The following NUP210 variants were observed in gnomAD, a reference collection of about 807,000 sequenced individuals.
NUP210 encodes nuclear pore membrane glycoprotein 210.
In NUP210, 151 loss-of-function variants were observed where a neutral mutation model predicts 196.0. The observed-to-expected ratio is 0.77, with a 90% CI of 0.67 to 0.88. The LOEUF is 0.88. Among genes scored for constraint, NUP210 ranks in the 40% least tolerant of loss-of-function variants. The probability of loss-of-function intolerance (pLI) is 0.00; values close to 1 mark genes in which losing one functional copy is unlikely to be tolerated. For synonymous variants in NUP210, 1,070 were observed against 1,052.7 expected (o/e 1.02, Z -0.32); for missense variants, 2,314 against 2,493.7 (o/e 0.93, Z 1.53).
intron 8 of NUP210, 61 bp from the exon 9 acceptor site, chr3:13,377,623 T>TG (rs35998066): frequency 0.28 from 345,970 of 1,217,108 alleles, 59,069 homozygotes; most frequent in Non-Finnish European, 0.32. Flanking sequence ...TGGAGGAGGA[T>TG]GGGACCACCA....
At chr3:13,336,198 G>A (rs1576355679) in intron 27 of NUP210, among the ~76,000 whole-genome samples, 1 of 152,154 alleles carries the variant, frequency 6.6e-6, no homozygotes, top group African/African-American at 2.4e-5. Context: ...CCTGAATCAG[G>A]CAGGGAGCGA....
Position 13,319,882 on chromosome 3 carries a change from G to T in NUP210, c.5264C>A (p.Ala1755Glu), listed in dbSNP as rs776176678. 1 of 1,614,182 alleles carries T rather than the reference G, an allele frequency of 6.2e-7. No individual in the cohort carries two copies. Among genetic ancestry groups the T allele is most frequent in the Non-Finnish European group, 8.5e-7 (1 of 1,180,016 alleles). ...GGACAGAGGCCCTTGGCTGCCAGCC[G>T]CGGGGTCCAAGACGCCGACCGTGTA... Reference protein sequence around the residue: ...ITYTVGVLDPAAGSQGPLSTT... With the variant: ...ITYTVGVLDPEAGSQGPLSTT... Residue 1755 changes from alanine (A) to glutamate (E), a missense_variant, in exon 37 of 40, where the codon GCG (alanine) becomes GAG (glutamate). Ala to Glu is a moderately radical substitution (Grantham distance 107). Coordinates refer to ENST00000254508, the MANE Select transcript of NUP210 (RefSeq NM_024923.4).
At position 13,336,790 on chromosome 3, in the gene NUP210, G is replaced by C. The variant is rs748996478; in HGVS notation, c.3681C>G (p.His1227Gln). 1.3e-4 allele frequency: 203 copies of C among 1,612,876 alleles called. 1 individual carries two copies. The East Asian group carries it at 4.4e-3, about 35-fold the overall frequency. The part of the protein sequence containing the change: ...RDVLDLRGRH[H>Q]EASIRLPSQY... Reference sequence around the variant, plus strand: ...TCTGGAGGGGGTGGTTACCTACCTCGTGGTGCCGCCCTCGGAGGTCCAGGA... The same window carrying C: ...TCTGGAGGGGGTGGTTACCTACCTCCTGGTGCCGCCCTCGGAGGTCCAGGA... Residue 1227 changes from histidine to glutamine, a missense_variant, in exon 27 of 40, where the codon CAC (histidine) becomes CAG (glutamine). Transcript: ENST00000254508.
In NUP210 at chr3:13,327,386, G is replaced by A. The variant is rs959723464; in HGVS notation, c.4338C>T (p.Val1446=). ...GTGTCAGGCCCACGCTGACTGTGCG[G>A]ACAACGCAGGTGTTGTTGGTGGGGC... The part of the protein sequence containing the change: ...GKGPTNNTCV[V]RTVSVGLTLL... The change falls in exon 32 of 40, where the codon GTC becomes GTT. Residue 1446 remains valine (V), a synonymous_variant. Coordinates refer to ENST00000254508, the MANE Select transcript of NUP210 (RefSeq NM_024923.4). 6.2e-7 allele frequency: 1 copy of A among 1,613,536 alleles called. No individual in the cohort carries two copies. Among genetic ancestry groups the A allele is most frequent in the Non-Finnish European group, 8.5e-7 (1 of 1,179,990 alleles).
intron 13 of NUP210, among the ~76,000 whole-genome samples, chr3:13,371,371 T>C (rs1698724815): frequency 6.6e-6 from 1 of 152,216 alleles, no homozygotes; most frequent in African/African-American, 2.4e-5. Flanking sequence ...TGTCCTGTCC[T>C]GACAGGACTG....
Position 13,337,008 on chromosome 3 carries a change from G to T in NUP210, c.3553-90C>A, listed in dbSNP as rs1162885070. On this transcript the variant is annotated intron_variant, in intron 26 of 39. Coordinates refer to ENST00000254508, the MANE Select transcript of NUP210 (RefSeq NM_024923.4). ...TTGCTGCCTCCTTCAAGCAGTGGGAGATGAACCCAATTCCTCCCCAACTAG... is the reference window on the plus strand; with the variant it reads ...TTGCTGCCTCCTTCAAGCAGTGGGATATGAACCCAATTCCTCCCCAACTAG... The T allele has an allele frequency of 4.6e-6, 7 of 1,517,178 alleles. No individual in the cohort carries two copies. The East Asian group carries it at 1.1e-4, about 25-fold the overall frequency. The allele number at this position is 1,517,178 out of a possible 1,614,324, so 94.0% of individuals were successfully genotyped here. A position where few individuals can be genotyped will look rare whatever the true frequency, so the allele number is the denominator to read the frequency against.
In NUP210 at chr3:13,360,491, C is replaced by A. The variant is rs1285730743; in HGVS notation, c.1933G>T (p.Ala645Ser). Reference sequence around the variant, plus strand: ...AAGGCAACAGAGGAGGGATCCACAGCCTGGGGACAGAAGAGGCAGAAGACT... The same window carrying A: ...AAGGCAACAGAGGAGGGATCCACAGACTGGGGACAGAAGAGGCAGAAGACT... ...ITIAAYLPLK[A>S]VDPSSVALVT... Residue 645 changes from alanine to serine, a missense_variant and splice_region_variant, in exon 15 of 40, where the codon GCT (alanine) becomes TCT (serine). Transcript: ENST00000254508. The A allele has an allele frequency of 6.2e-7, 1 of 1,605,586 alleles. No individual in the cohort carries two copies. The highest frequency in any genetic ancestry group is 1.1e-5 in the South Asian group (1 of 89,656).
chr3:13,416,010 C>G (rs1453971250), intron 1 of NUP210, among the ~76,000 whole-genome samples: 1 of 152,150 alleles, frequency 6.6e-6, no homozygotes, highest in East Asian at 1.9e-4. Context: ...GAGGGACTCC[C>G]CAGGGGTCAT....
chr3:13,327,561 G>A (rs1481908421), intron 31 of NUP210, 124 bp from the exon 32 acceptor site: 1 of 733,384 alleles, frequency 1.4e-6, no homozygotes, highest in Non-Finnish European at 2.2e-6. Flanking sequence ...TCCCAGGTGT[G>A]GCCCCAACTC....
rs143919990 is a variant in NUP210 at position 13,392,748 on chromosome 3, C to T, written c.437-1441G>A. 2.4e-3 allele frequency among the ~76,000 whole-genome samples: 367 copies of T among 152,354 alleles called. 3 individuals are homozygous for T. The highest frequency in any genetic ancestry group is 8.5e-3 in the African/African-American group (355 of 41,582). ...CTGCACACTGAGCTGAAACAGGGTG[C>T]ATATGGAGTACTGCTGGCCCCAGTT... On this transcript the variant is annotated intron_variant, in intron 3 of 39. Transcript: ENST00000254508.
At position 13,371,971 on chromosome 3, in the gene NUP210, C is replaced by T. The variant is rs769088447; in HGVS notation, c.1649G>A (p.Gly550Asp). 3 of 1,601,518 alleles carry T rather than the reference C, an allele frequency of 1.9e-6. No homozygotes were observed. Among genetic ancestry groups the T allele is most frequent in the Non-Finnish European group, 2.6e-6 (3 of 1,174,212 alleles). Residue 550 changes from glycine to aspartate, a missense_variant, in exon 13 of 40, where the codon GGC becomes GAC. Coordinates refer to ENST00000254508, the MANE Select transcript of NUP210 (RefSeq NM_024923.4). The stretch of plus-strand genomic sequence containing the variant: ...CCTCAGGGGCAGCTCCAGGGCCTGG[C>T]CCACACGTGCCTCCACCTGGCACGG... ...FAPCQVEARVGQALELPLRIS... is the reference protein window; with the variant it reads ...FAPCQVEARVDQALELPLRIS...
intron 1 of NUP210, among the ~76,000 whole-genome samples, chr3:13,417,797 A>C (rs976670904): frequency 3.3e-5 from 5 of 152,216 alleles, no homozygotes; most frequent in African/African-American, 1.2e-4. Flanking sequence ...ACACGTTATA[A>C]GGTACTTAGC....
chr3:13,373,384 G>C (rs1329802810), intron 12 of NUP210, among the ~76,000 whole-genome samples: 1 of 152,214 alleles, frequency 6.6e-6, no homozygotes, highest in Non-Finnish European at 1.5e-5. Flanking sequence ...TTCACTGTGA[G>C]TTTACAACCC....
At chr3:13,403,497 TCGC>T (rs1257947636) in intron 1 of NUP210, among the ~76,000 whole-genome samples, 1 of 152,170 alleles carries the variant, frequency 6.6e-6, no homozygotes, top group African/African-American at 2.4e-5. Flanking sequence ...TCAAATGCCA[TCGC>T]CTTGGGGATG....
rs1472936425 is a variant in NUP210 at position 13,317,003 on chromosome 3, A to AG, written c.*677dup. On this transcript the variant is annotated 3_prime_UTR_variant, in exon 40 of 40. Transcript: ENST00000254508. ...TCAACGGCTTATGAAACAAAAACAGAGGACTGAAGTCTGTTCACAGTGGCC... is the reference window on the plus strand; with the variant it reads ...TCAACGGCTTATGAAACAAAAACAGAGGGACTGAAGTCTGTTCACAGTGGCC... 6.6e-6 allele frequency: 1 copy of AG among 152,624 alleles called. No individual in the cohort carries two copies. The highest frequency in any genetic ancestry group is 2.4e-5 in the African/African-American group (1 of 41,456). 9.5% of individuals were successfully genotyped at this position (152,624 alleles called of 1,614,324 possible).
rs757187335 is a variant in NUP210 at position 13,328,943 on chromosome 3, AT to A, written c.4113del (p.Ser1372ProfsTer6). The stretch of plus-strand genomic sequence containing the variant: ...GAAACCCTCAGGTAGGAAACAGGGG[AT>A]ACCTAAGGGACAACATACAGGTATG... The part of the protein sequence containing the change: ...ANQTIIVAVK[V>X]SPVSYLRVSM... On this transcript the variant is annotated frameshift_variant and splice_region_variant, in exon 31 of 40. Coordinates refer to ENST00000254508, the MANE Select transcript of NUP210 (RefSeq NM_024923.4). LOFTEE classifies it high-confidence loss of function. 6.2e-7 allele frequency: 1 copy of A among 1,613,630 alleles called. No homozygotes were observed. The highest frequency in any genetic ancestry group is 8.5e-7 in the Non-Finnish European group (1 of 1,179,780).
At chr3:13,362,928 T>C (rs1698417781) in intron 14 of NUP210, among the ~76,000 whole-genome samples, 1 of 152,162 alleles carries the variant, frequency 6.6e-6, no homozygotes, top group South Asian at 2.1e-4. Context: ...CGTCACCTCC[T>C]TTCCAGCTCA....
At chr3:13,336,674 G>A in intron 27 of NUP210, 113 bp downstream of exon 27, 1 of 1,194,618 alleles carries the variant, frequency 8.4e-7, no homozygotes, top group South Asian at 1.4e-5. Flanking sequence ...GCCTCTCTAG[G>A]TGTGAGGGTG....
chr3:13,357,960 G>A (rs1385519941), intron 16 of NUP210, among the ~76,000 whole-genome samples: 1 of 152,216 alleles, frequency 6.6e-6, no homozygotes. Context: ...GGCAGCAAAT[G>A]TGGAAGAGGA....
Sources: gnomAD v4.1 joint callset for allele counts (sites outside exome capture counted in the v4.1 genomes callset) on GRCh38, gnomAD v4.1.1 for gene constraint, MANE v1.5 for transcripts, NCBI Gene and HGNC (gene_info 2026-07-23, HGNC 2026-07-21) for gene names.